GLYATL1: variants seen among roughly 807,000 people sequenced by gnomAD.
The protein encoded by GLYATL1 is glycine N-acyltransferase-like protein 1.
GLYATL1 carries 15 observed loss-of-function variants against 20.0 expected under a neutral mutation model. The observed-to-expected ratio is 0.75, with a 90% CI of 0.50 to 1.15. The LOEUF (loss-of-function observed/expected upper bound fraction) is 1.15, where lower values mean the gene tolerates loss of function less well. Ranked by LOEUF, GLYATL1 falls within the 50% of genes most tolerant of loss-of-function variation. The pLI, the probability that GLYATL1 is intolerant of heterozygous loss-of-function variation, is 0.00. For synonymous variants in GLYATL1, 151 were observed against 131.5 expected (o/e 1.15, Z -1.01); for missense variants, 380 against 368.5 (o/e 1.03, Z -0.26).
exon 2 of GLYATL1, chr11:58,907,778 G>C (rs372480383): frequency 5.3e-6 from 1 of 187,180 alleles, no homozygotes. Flanking sequence ...CCAGTACGTT[G>C]TTATTTTACA....
At chr11:58,924,692 A>AT (rs1855385833), upstream of GLYATL1, among the ~76,000 whole-genome samples, 1 of 152,204 alleles carries the variant, frequency 6.6e-6, no homozygotes, top group Non-Finnish European at 1.5e-5. Context: ...TTAGCAAATA[A>AT]TACAAGACAA....
chr11:58,925,715 C>CA (rs1855411666), upstream of GLYATL1, among the ~76,000 whole-genome samples: 1 of 152,138 alleles, frequency 6.6e-6, no homozygotes, highest in African/African-American at 2.4e-5. Context: ...GAGGTTTTAG[C>CA]AAAGTGTTTT....
At chr11:58,913,201 T>G (rs1855092827), downstream of GLYATL1, among the ~76,000 whole-genome samples, 1 of 151,706 alleles carries the variant, frequency 6.6e-6, no homozygotes, top group Non-Finnish European at 1.5e-5. Context: ...GGAAGATGCT[T>G]GAAGGGGCAG....
At chr11:58,954,312 C>T (rs1335376107) in intron 4 of GLYATL1, among the ~76,000 whole-genome samples, 1 of 152,164 alleles carries the variant, frequency 6.6e-6, no homozygotes, top group Non-Finnish European at 1.5e-5. Context: ...CAGTAGGTTA[C>T]CTGGGGCACA....
intron 2 of GLYATL1, chr11:58,946,781 C>A (rs962740730): frequency 8.0e-6 from 4 of 502,100 alleles, no homozygotes; most frequent in Non-Finnish European, 1.4e-5. Flanking sequence ...TCACAGAACT[C>A]TTAATATTCA....
In GLYATL1 at chr11:58,944,293, T is replaced by C. The variant is rs570848111; in HGVS notation, c.-43+627T>C. Among the ~76,000 whole-genome samples the C allele has an allele frequency of 8.5e-5, 13 of 152,350 alleles. 1 individual carries two copies. Among genetic ancestry groups the C allele is most frequent in the African/African-American group, 3.1e-4 (13 of 41,592 alleles). ...ATTGGATGTCAACTGCTATTCTTTT[T>C]GGAATAATCTGCCTTGCACTCTTTG... On this transcript the variant is annotated intron_variant, in intron 2 of 6. Coordinates refer to ENST00000532726, the MANE Select transcript of GLYATL1 (RefSeq NM_001389712.2).
At chr11:58,942,923 A>T (rs547783027) in intron 1 of GLYATL1, among the ~76,000 whole-genome samples, 10 of 152,328 alleles carry the variant, frequency 6.6e-5, no homozygotes, top group Non-Finnish European at 1.3e-4. Context: ...AACCAAGTCC[A>T]TTAAAGGATG....
chr11:58,947,359 A>T (rs939915114), intron 3 of GLYATL1, 194 bp downstream of exon 3: 9 of 713,284 alleles, frequency 1.3e-5, no homozygotes, highest in Non-Finnish European at 2.0e-5. Context: ...TCCACTCTGC[A>T]GGTTTTGCCA....
At chr11:58,928,430 C>T (rs538246413) in intron 1 of GLYATL1, 1 of 152,316 alleles carries the variant, frequency 6.6e-6, no homozygotes, top group South Asian at 2.1e-4. Flanking sequence ...CCTTACACTT[C>T]CTTCATAGCT....
At chr11:58,937,316 G>T (rs1479693429), upstream of GLYATL1, among the ~76,000 whole-genome samples, 1 of 152,210 alleles carries the variant, frequency 6.6e-6, no homozygotes, top group Non-Finnish European at 1.5e-5. Flanking sequence ...CCTTCAGGAG[G>T]AACTTCATTA....
At chr11:58,955,086 C>A in intron 5 of GLYATL1, 90 bp from the exon 6 acceptor site, 1 of 1,321,942 alleles carries the variant, frequency 7.6e-7, no homozygotes, top group Non-Finnish European at 1.1e-6. Flanking sequence ...AGTTTGAGAA[C>A]TACTAAGCAC....
rs989484221 is a variant in GLYATL1 at position 58,952,173 on chromosome 11, G to T, written c.187-2597G>T. On this transcript the variant is annotated intron_variant, in intron 4 of 6. Coordinates refer to ENST00000532726, the MANE Select transcript of GLYATL1 (RefSeq NM_001389712.2). ...TTTTCCTGTTGCTCCTACTTTCATAGAACTTATATTTAGAATGGAGGGTAA... is the reference window on the plus strand; with the variant it reads ...TTTTCCTGTTGCTCCTACTTTCATATAACTTATATTTAGAATGGAGGGTAA... Among the ~76,000 whole-genome samples the T allele has an allele frequency of 1.8e-4, 27 of 152,148 alleles. 1 individual carries two copies. Among genetic ancestry groups the T allele is most frequent in the African/African-American group, 6.5e-4 (27 of 41,506 alleles).
upstream of GLYATL1, among the ~76,000 whole-genome samples, chr11:58,923,806 A>G (rs761200832): frequency 1.3e-4 from 20 of 152,208 alleles, no homozygotes; most frequent in Admixed American, 3.9e-4. Context: ...AAATTCTTAC[A>G]ATATATTTTA....
At chr11:58,930,632 C>T (rs985285294) in intron 1 of GLYATL1, among the ~76,000 whole-genome samples, 1 of 151,972 alleles carries the variant, frequency 6.6e-6, no homozygotes, top group African/African-American at 2.4e-5. Flanking sequence ...TTTTATAATG[C>T]CTAGAAAAAT....
chr11:58,907,408 T>C (rs1482124881), exon 2 of GLYATL1: 1 of 456,112 alleles, frequency 2.2e-6, no homozygotes, highest in Non-Finnish European at 4.4e-6. Context: ...CGCATCTCAG[T>C]TGTCACCATC....
At chr11:58,923,384 C>G (rs968177712), upstream of GLYATL1, among the ~76,000 whole-genome samples, 1 of 152,144 alleles carries the variant, frequency 6.6e-6, no homozygotes, top group Admixed American at 6.5e-5. Flanking sequence ...TAAACGCCCT[C>G]TAGAGGTTTC....
At chr11:58,911,306 A>G (rs1332043215), downstream of GLYATL1, among the ~76,000 whole-genome samples, 2 of 152,208 alleles carry the variant, frequency 1.3e-5, no homozygotes, top group Non-Finnish European at 2.9e-5. Flanking sequence ...AGGTTTTTGT[A>G]TGAAGGTTAA....
chr11:58,947,967 T>C lies in GLYATL1; in HGVS notation c.186+2T>C. The C allele has an allele frequency of 6.2e-7, 1 of 1,606,062 alleles. No homozygotes were observed. Among genetic ancestry groups the C allele is most frequent in the Non-Finnish European group, 8.5e-7 (1 of 1,172,894 alleles). On this transcript the variant is annotated splice_donor_variant, in intron 4 of 6. Coordinates refer to ENST00000532726, the MANE Select transcript of GLYATL1 (RefSeq NM_001389712.2). LOFTEE classifies it high-confidence loss of function. ...GTTATTATCCGGCCTCAAAAGCAGG[T>C]AGGCACACAGACAGGGACTGGTGGA... is the stretch of plus-strand genomic sequence containing the variant.
Position 58,943,645 on chromosome 11 carries a change from TCA to T in GLYATL1, c.-63_-62del, listed in dbSNP as rs1389725324. On this transcript the variant is annotated 5_prime_UTR_variant, in exon 2 of 7. It introduces an in-frame stop codon into an upstream open reading frame of the 5' UTR. Transcript: ENST00000532726. ...GGATCCAATTGTGTCCATTGATCTC[TCA>T]GAGTGGCTGAGGATAATAGGTAAGC... 3.7e-6 allele frequency: 6 copies of T among 1,613,586 alleles called. No homozygotes were observed. The highest frequency in any genetic ancestry group is 5.1e-6 in the Non-Finnish European group (6 of 1,179,580).
Sources: allele counts gnomAD v4.1 joint callset (sites outside exome capture counted in the v4.1 genomes callset), GRCh38; gene constraint gnomAD v4.1.1; transcripts MANE v1.5; gene names NCBI Gene and HGNC (gene_info 2026-07-23, HGNC 2026-07-21).